The following SUSD5 variants were observed in gnomAD, a reference collection of about 807,000 sequenced individuals.
The protein encoded by SUSD5 is sushi domain containing 5.
Under a neutral mutation model 29.5 loss-of-function variants are expected in SUSD5, and 33 were observed. The observed-to-expected ratio is 1.12, with a 90% CI of 0.85 to 1.49. The LOEUF is 1.49. SUSD5 is among the 40% of genes most tolerant of loss of function. The pLI, the probability that SUSD5 is intolerant of heterozygous loss-of-function variation, is 0.00. For missense variants in SUSD5, 776 were observed against 800.6 expected (o/e 0.97, Z 0.37); for synonymous variants, 308 against 325.3 (o/e 0.95, Z 0.57).
At chr3:33,173,810 T>C (rs2031487398) in intron 4 of SUSD5, among the ~76,000 whole-genome samples, 1 of 152,122 alleles carries the variant, frequency 6.6e-6, no homozygotes. Flanking sequence ...AGGGAACAAT[T>C]CAGGGTCTAG....
intron 3 of SUSD5, among the ~76,000 whole-genome samples, chr3:33,179,678 T>C (rs1381506806): frequency 2.0e-5 from 3 of 152,254 alleles, no homozygotes; most frequent in Non-Finnish European, 4.4e-5. Context: ...TTTTCAATAT[T>C]AGTAATTTGC....
chr3:33,161,440 G>A (rs888552699), intron 4 of SUSD5, among the ~76,000 whole-genome samples: 1 of 151,406 alleles, frequency 6.6e-6, no homozygotes, highest in African/African-American at 2.4e-5. Flanking sequence ...TGCTTCGAAA[G>A]AAGGCAGGAA....
intron 3 of SUSD5, among the ~76,000 whole-genome samples, chr3:33,180,803 G>C (rs116887055): frequency 0.014 from 2,055 of 151,732 alleles, 39 homozygotes; most frequent in East Asian, 0.083. Context: ...TTGTGCCACT[G>C]CTCTCCAGCC....
intron 3 of SUSD5, among the ~76,000 whole-genome samples, chr3:33,207,339 C>G (rs761077100): frequency 6.6e-6 from 1 of 152,222 alleles, no homozygotes; most frequent in Non-Finnish European, 1.5e-5. Flanking sequence ...TGCACACGGA[C>G]TCCTGGTAGG....
chr3:33,196,976 A>C (rs1193145775), intron 3 of SUSD5, among the ~76,000 whole-genome samples: 4 of 152,206 alleles, frequency 2.6e-5, no homozygotes, highest in African/African-American at 4.8e-5. Flanking sequence ...CATCTGTAAA[A>C]TTTGGATAAT....
intron 4 of SUSD5, chr3:33,168,636 T>G (rs1415819280): frequency 2.1e-6 from 2 of 956,952 alleles, no homozygotes; most frequent in African/African-American, 3.5e-5. Context: ...GGACAGGATA[T>G]GCCTGGTTTT....
intron 1 of SUSD5, among the ~76,000 whole-genome samples, chr3:33,215,623 T>A (rs2032416340): frequency 6.6e-6 from 1 of 152,072 alleles, no homozygotes; most frequent in South Asian, 2.1e-4. Context: ...TTGTCCGAGA[T>A]CACACAGCAG....
At chr3:33,175,827 A>C (rs1270462081) in intron 3 of SUSD5, among the ~76,000 whole-genome samples, 1 of 152,142 alleles carries the variant, frequency 6.6e-6, no homozygotes, top group Non-Finnish European at 1.5e-5. Flanking sequence ...AAACTGATGA[A>C]ACTCCACTGA....
intron 3 of SUSD5, among the ~76,000 whole-genome samples, chr3:33,185,176 T>C (rs985787477): frequency 6.6e-6 from 1 of 152,174 alleles, no homozygotes; most frequent in African/African-American, 2.4e-5. Flanking sequence ...AGAGGATGGC[T>C]ACAGGGAGCT....
At chr3:33,215,227 C>T (rs949991827) in intron 1 of SUSD5, among the ~76,000 whole-genome samples, 7 of 152,014 alleles carry the variant, frequency 4.6e-5, no homozygotes, top group African/African-American at 1.7e-4. Flanking sequence ...AAATTTTAAA[C>T]TACTATCCCT....
chr3:33,169,407 G>A (rs772160887), intron 4 of SUSD5, among the ~76,000 whole-genome samples: 113 of 152,154 alleles, frequency 7.4e-4, no homozygotes, highest in Non-Finnish European at 1.4e-3. Context: ...ATTTAGTAGC[G>A]ACGGGGTTTC....
Position 33,152,376 on chromosome 3 carries a change from G to A in SUSD5, c.*366C>T, listed in dbSNP as rs774682696. The A allele has an allele frequency of 3.2e-5, 6 of 189,498 alleles. No homozygotes were observed. The highest frequency in any genetic ancestry group is 4.4e-5 in the Non-Finnish European group (4 of 90,876). The allele number at this position is 189,498 out of a possible 1,614,324, so 11.7% of individuals were successfully genotyped here. On this transcript the variant is annotated 3_prime_UTR_variant, in exon 5 of 5. Coordinates refer to ENST00000309558, the MANE Select transcript of SUSD5 (RefSeq NM_015551.2). ...CAGAGGTTGCAGTGAGCTCAGATCGGGACACTGCACTCCAGCCTGGGCAAC... is the reference window on the plus strand; with the variant it reads ...CAGAGGTTGCAGTGAGCTCAGATCGAGACACTGCACTCCAGCCTGGGCAAC...
rs552320138 is a variant in SUSD5 at position 33,182,996 on chromosome 3, C to A, written c.410-7922G>T. On this transcript the variant is annotated intron_variant, in intron 3 of 4. Coordinates refer to ENST00000309558, the MANE Select transcript of SUSD5 (RefSeq NM_015551.2). Reference sequence around the variant, plus strand: ...TTTTTTAGTAGAGACAGGGTTTCACCGTGTTAGCCAGGATGGTCTCGATCT... The same window carrying A: ...TTTTTTAGTAGAGACAGGGTTTCACAGTGTTAGCCAGGATGGTCTCGATCT... 3.9e-4 allele frequency among the ~76,000 whole-genome samples: 59 copies of A among 151,922 alleles called. 1 individual carries two copies. Among genetic ancestry groups the A allele is most frequent in the African/African-American group, 1.4e-3 (57 of 41,458 alleles).
At chr3:33,160,490 G>A (rs2125615193) in intron 4 of SUSD5, among the ~76,000 whole-genome samples, 1 of 152,234 alleles carries the variant, frequency 6.6e-6, no homozygotes, top group South Asian at 2.1e-4. Flanking sequence ...AGGAGATTGA[G>A]GCTGCAGTGG....
rs550759076 is a variant in SUSD5, at chr3:33,159,742, T to C, written c.599-5709A>G. 1.5e-4 allele frequency among the ~76,000 whole-genome samples: 23 copies of C among 151,830 alleles called. 1 individual carries two copies. Among genetic ancestry groups the C allele is most frequent in the Admixed American group, 1.4e-3 (21 of 15,256 alleles). On this transcript the variant is annotated intron_variant, in intron 4 of 4. Transcript: ENST00000309558. ...ACACACACAAACACAAACATAAAAC[T>C]GGGCTTACTGAATGTGAATTTCTAA...
At chr3:33,200,594 T>A (rs1190869209) in intron 3 of SUSD5, among the ~76,000 whole-genome samples, 1 of 152,156 alleles carries the variant, frequency 6.6e-6, no homozygotes, top group African/African-American at 2.4e-5. Flanking sequence ...TTGCCACGAA[T>A]GGACCATCGA....
Position 33,218,793 on chromosome 3 carries a change from G to A in SUSD5, c.5C>T (p.Thr2Ile). 2 of 1,445,814 alleles carry A rather than the reference G, an allele frequency of 1.4e-6. No homozygotes were observed. Among genetic ancestry groups the A allele is most frequent in the Admixed American group, 2.6e-5 (1 of 37,884 alleles). 89.6% of individuals were successfully genotyped at this position (1,445,814 alleles called of 1,614,324 possible). A position where few individuals can be genotyped will look rare whatever the true frequency, so the allele number is the denominator to read the frequency against. M[T>I]AEGPSPPARW... ...GGCAGGCGGGCTGGGTCCCTCGGCA[G>A]TCATGGTCCGGGAGTGCGCGGGCCA... The change falls in exon 1 of 5, where the codon ACT (threonine) becomes ATT (isoleucine). Residue 2 changes from threonine to isoleucine, a missense_variant. Transcript: ENST00000309558.
intron 1 of SUSD5, 70 bp downstream of exon 1, chr3:33,218,616 C>T: frequency 4.1e-6 from 5 of 1,217,034 alleles, no homozygotes; most frequent in Non-Finnish European, 5.2e-6. Flanking sequence ...GGAGCAGCCC[C>T]GGCGAGCTAC....
At chr3:33,202,496 T>G (rs1437225871) in intron 3 of SUSD5, among the ~76,000 whole-genome samples, 1 of 152,090 alleles carries the variant, frequency 6.6e-6, no homozygotes, top group Non-Finnish European at 1.5e-5. Flanking sequence ...GGAGGAGGAA[T>G]GCAGTACTAA....
Sources: gnomAD v4.1 joint callset for allele counts (sites outside exome capture counted in the v4.1 genomes callset) on GRCh38, gnomAD v4.1.1 for gene constraint, MANE v1.5 for transcripts, NCBI Gene and HGNC (gene_info 2026-07-23, HGNC 2026-07-21) for gene names.